LPP: variants seen among roughly 807,000 people sequenced by gnomAD.
LPP encodes lipoma-preferred partner.
Under a neutral mutation model 60.4 loss-of-function variants are expected in LPP, and 38 were observed. The observed-to-expected ratio is 0.63, with a 90% CI of 0.49 to 0.83. The LOEUF (loss-of-function observed/expected upper bound fraction) is 0.83. Ranked by LOEUF, LPP falls within the 40% of genes least tolerant of loss-of-function variation. The probability of loss-of-function intolerance (pLI) is 0.00; values close to 1 mark genes in which losing one functional copy is unlikely to be tolerated. For missense variants in LPP, 902 were observed against 783.6 expected (o/e 1.15, Z -1.80); for synonymous variants, 328 against 290.8 (o/e 1.13, Z -1.30).
At chr3:188,401,321 C>T (rs1451762126) in intron 3 of LPP, among the ~76,000 whole-genome samples, 1 of 152,080 alleles carries the variant, frequency 6.6e-6, no homozygotes, top group East Asian at 1.9e-4. Context: ...TCCCTGAATC[C>T]CTCATTTTGG....
chr3:188,288,839 G>A (rs973984809), intron 2 of LPP, among the ~76,000 whole-genome samples: 9 of 17,762 alleles, frequency 5.1e-4, no homozygotes, highest in Non-Finnish European at 2.3e-4. Context: ...CCACCCCCCC[G>A]CCCCTCTAGC....
chr3:188,523,525 A>G (rs962948080), intron 5 of LPP, among the ~76,000 whole-genome samples: 2 of 152,350 alleles, frequency 1.3e-5, no homozygotes, highest in Middle Eastern at 3.4e-3. Context: ...TTGCTTCAAC[A>G]TATTCACTAA....
At chr3:188,315,607 G>A (rs926979284) in intron 2 of LPP, among the ~76,000 whole-genome samples, 3 of 152,098 alleles carry the variant, frequency 2.0e-5, no homozygotes, top group Non-Finnish European at 4.4e-5. Context: ...ACTATGCACA[G>A]GTTCTTAAAA....
intron 7 of LPP, among the ~76,000 whole-genome samples, chr3:188,645,290 G>C (rs1850903513): frequency 6.8e-6 from 1 of 147,068 alleles, no homozygotes; most frequent in African/African-American, 2.7e-5. Flanking sequence ...AATAAGGAAG[G>C]GTTGGAGAGA....
intron 7 of LPP, among the ~76,000 whole-genome samples, chr3:188,646,859 A>G (rs771823263): frequency 2.6e-5 from 4 of 152,230 alleles, no homozygotes; most frequent in Non-Finnish European, 5.9e-5. Context: ...AAAGGAACAA[A>G]CAAATACAGT....
intron 5 of LPP, among the ~76,000 whole-genome samples, chr3:188,506,550 G>A (rs891535585): frequency 1.4e-4 from 21 of 152,062 alleles, no homozygotes; most frequent in Non-Finnish European, 2.1e-4. Context: ...AAATCGTAGA[G>A]CACCAGATTT....
At chr3:188,796,581 C>T (rs1745415435) in intron 9 of LPP, among the ~76,000 whole-genome samples, 1 of 152,144 alleles carries the variant, frequency 6.6e-6, no homozygotes, top group Admixed American at 6.5e-5. Context: ...CTCTCCAACT[C>T]TCCTCATCGT....
rs1277162779 is a variant in LPP, at chr3:188,875,260, C to G, written c.*781C>G. On this transcript the variant is annotated 3_prime_UTR_variant, in exon 12 of 12. Coordinates refer to ENST00000617246, the MANE Select transcript of LPP (RefSeq NM_001375462.1). ...TTATGTTTAAAAAAACATTATTGTC[C>G]CACAATATTACCTTAAGATTTTTCT... The G allele has an allele frequency of 2.3e-5, 5 of 218,302 alleles. No homozygotes were observed. The highest frequency in any genetic ancestry group is 4.6e-5 in the Non-Finnish European group (5 of 108,882). The allele number at this position is 218,302 out of a possible 1,614,324, so 13.5% of individuals were successfully genotyped here. A position where few individuals can be genotyped will look rare whatever the true frequency, so the allele number is the denominator to read the frequency against.
At chr3:188,753,895 A>T (rs186839604) in intron 8 of LPP, among the ~76,000 whole-genome samples, 5 of 152,208 alleles carry the variant, frequency 3.3e-5, no homozygotes, top group Admixed American at 2.0e-4. Context: ...TCTCTATAGA[A>T]TCAGATATAC....
chr3:188,715,228 A>G (rs1713349225), intron 8 of LPP, among the ~76,000 whole-genome samples: 1 of 151,796 alleles, frequency 6.6e-6, no homozygotes, highest in Non-Finnish European at 1.5e-5. Flanking sequence ...AAATACAAAA[A>G]TCAGCTGGGC....
chr3:188,342,532 G>T (rs1202018430), intron 3 of LPP, among the ~76,000 whole-genome samples: 1 of 152,132 alleles, frequency 6.6e-6, no homozygotes, highest in Non-Finnish European at 1.5e-5. Context: ...ACCAAAAAGA[G>T]GTGAAGTAGT....
At chr3:188,532,242 A>G (rs748709797) in intron 6 of LPP, among the ~76,000 whole-genome samples, 36 of 150,640 alleles carry the variant, frequency 2.4e-4, no homozygotes, top group Non-Finnish European at 4.4e-4. Flanking sequence ...CCCCAGCTCT[A>G]CTAAAAACAA....
chr3:188,462,935 T>C (rs1465378204), intron 4 of LPP, among the ~76,000 whole-genome samples: 1 of 151,810 alleles, frequency 6.6e-6, no homozygotes, highest in African/African-American at 2.4e-5. Flanking sequence ...GGTGAAACAC[T>C]GTCTCTACTA....
chr3:188,405,016 G>A (rs1783111522), intron 3 of LPP, among the ~76,000 whole-genome samples: 2 of 152,178 alleles, frequency 1.3e-5, no homozygotes, highest in South Asian at 2.1e-4. Flanking sequence ...AGCAGCATCT[G>A]GGCTGGGCTG....
chr3:188,669,910 A>C (rs1000462889), intron 7 of LPP, among the ~76,000 whole-genome samples: 6 of 152,254 alleles, frequency 3.9e-5, no homozygotes, highest in Non-Finnish European at 7.3e-5. Flanking sequence ...ACACCGTGGA[A>C]TACTAAGCAG....
intron 7 of LPP, among the ~76,000 whole-genome samples, chr3:188,611,593 G>A (rs1843727895): frequency 6.6e-6 from 1 of 152,200 alleles, no homozygotes. Context: ...AGTTCAACTA[G>A]ACAGACAATT....
chr3:188,360,316 G>A (rs1337241725), intron 3 of LPP, among the ~76,000 whole-genome samples: 2 of 152,172 alleles, frequency 1.3e-5, no homozygotes, highest in Non-Finnish European at 2.9e-5. Context: ...GTGGGCTTAT[G>A]TTTATTAGCA....
intron 4 of LPP, among the ~76,000 whole-genome samples, chr3:188,413,438 G>A (rs1222427869): frequency 6.6e-6 from 1 of 152,126 alleles, no homozygotes; most frequent in Non-Finnish European, 1.5e-5. Flanking sequence ...GTATAAGTAT[G>A]CGTGTTATGC....
chr3:188,361,941 G>C (rs755546449), intron 3 of LPP, among the ~76,000 whole-genome samples: 1 of 152,092 alleles, frequency 6.6e-6, no homozygotes, highest in Non-Finnish European at 1.5e-5. Context: ...TGCCACCAAG[G>C]AATAAAAATA....
Sources: allele counts gnomAD v4.1 joint callset (sites outside exome capture counted in the v4.1 genomes callset), GRCh38; gene constraint gnomAD v4.1.1; transcripts MANE v1.5; gene names NCBI Gene and HGNC (gene_info 2026-07-23, HGNC 2026-07-21).